NDC1: variants seen among roughly 807,000 people sequenced by gnomAD.
NDC1 encodes NDC1 transmembrane nucleoporin.
A neutral mutation model predicts 89.8 loss-of-function variants in NDC1; 24 were observed. That is an observed-to-expected ratio of 0.27 (90% CI 0.19 to 0.38). The LOEUF is 0.38. Among genes scored for constraint, NDC1 ranks in the 10% least tolerant of loss-of-function variants. The pLI is 1.00. For missense variants in NDC1, 728 were observed against 797.6 expected (o/e 0.91, Z 1.05); for synonymous variants, 296 against 284.8 (o/e 1.04, Z -0.39).
intron 17 of NDC1, among the ~76,000 whole-genome samples, chr1:53,769,791 G>T (rs550126065): frequency 6.6e-6 from 1 of 152,174 alleles, no homozygotes; most frequent in Non-Finnish European, 1.5e-5. Flanking sequence ...GTGTGAGAAT[G>T]TTCCCTTTCA....
intron 2 of NDC1, among the ~76,000 whole-genome samples, chr1:53,833,829 AT>A (rs71579984): frequency 0.03 from 4,454 of 146,144 alleles, 90 homozygotes; most frequent in Middle Eastern, 0.046. Flanking sequence ...ATTGACCTAA[AT>A]TTTTTTTTTT....
At chr1:53,829,336 T>C (rs1648977430) in intron 3 of NDC1, among the ~76,000 whole-genome samples, 1 of 152,206 alleles carries the variant, frequency 6.6e-6, no homozygotes, top group African/African-American at 2.4e-5. Context: ...AACTAACTTA[T>C]AACACTCTAA....
At chr1:53,783,285 G>C (rs1273791474) in intron 16 of NDC1, among the ~76,000 whole-genome samples, 1 of 151,554 alleles carries the variant, frequency 6.6e-6, no homozygotes, top group East Asian at 1.9e-4. Flanking sequence ...TCAGGATGTA[G>C]AGTGGAAAAA....
At chr1:53,778,321 C>T (rs968035878) in intron 16 of NDC1, among the ~76,000 whole-genome samples, 1 of 151,026 alleles carries the variant, frequency 6.6e-6, no homozygotes, top group Non-Finnish European at 1.5e-5. Context: ...AATTAATAAA[C>T]ATCTGAATTC....
At chr1:53,824,813 G>C (rs1038259824) in intron 5 of NDC1, among the ~76,000 whole-genome samples, 5 of 152,172 alleles carry the variant, frequency 3.3e-5, no homozygotes, top group African/African-American at 1.2e-4. Context: ...AAAATGATAG[G>C]AGACAGTAAG....
chr1:53,804,090 T>A, intron 9 of NDC1, 81 bp from the exon 10 acceptor site: 1 of 951,698 alleles, frequency 1.1e-6, no homozygotes, highest in Non-Finnish European at 1.6e-6. Context: ...CATCATTATA[T>A]ATCCAAGAGG....
intron 14 of NDC1, among the ~76,000 whole-genome samples, chr1:53,789,957 G>T (rs1433727092): frequency 6.6e-6 from 1 of 150,918 alleles, no homozygotes; most frequent in Non-Finnish European, 1.5e-5. Context: ...ACAAAAATTA[G>T]CTAGGTGTGG....
In NDC1 at chr1:53,793,290, A is replaced by C; in HGVS notation, c.1585-11T>G. On this transcript the variant is annotated splice_polypyrimidine_tract_variant and intron_variant, in intron 13 of 17. Coordinates refer to ENST00000371429, the MANE Select transcript of NDC1 (RefSeq NM_018087.5). Reference sequence around the variant, plus strand: ...CAAGAAATTCTTAATCTGAGTTGGAAAAAAGGAAGAATTAACACATTTACC... The same window carrying C: ...CAAGAAATTCTTAATCTGAGTTGGACAAAAGGAAGAATTAACACATTTACC... 3.1e-6 allele frequency: 5 copies of C among 1,597,038 alleles called. No homozygotes were observed. Among genetic ancestry groups the C allele is most frequent in the Non-Finnish European group, 4.3e-6 (5 of 1,164,390 alleles).
chr1:53,810,664 G>A (rs544761269), intron 6 of NDC1, among the ~76,000 whole-genome samples: 26 of 152,266 alleles, frequency 1.7e-4, no homozygotes, highest in African/African-American at 6.0e-4. Flanking sequence ...CAGTACTCTG[G>A]GAGGCCAAGG....
chr1:53,796,915 C>T lies in NDC1; in HGVS notation c.1452G>A (p.Leu484=), dbSNP rs375896772. 56 of 1,614,072 alleles carry T rather than the reference C, an allele frequency of 3.5e-5. No individual in the cohort carries two copies. In the African/African-American group the frequency reaches 6.7e-4, roughly 19 times the overall value. ...AATTCTCACCAGAAGCTGATGTCCACAATCTTGGCCCCCTTCTTATTAGCT... is the reference window on the plus strand; with the variant it reads ...AATTCTCACCAGAAGCTGATGTCCATAATCTTGGCCCCCTTCTTATTAGCT... The part of the protein sequence containing the change: ...SPQLIRRGPR[L]WTSASDQQMT... Residue 484 remains leucine (L), a synonymous_variant, in exon 12 of 18, where the codon TTG becomes TTA. Coordinates refer to ENST00000371429, the MANE Select transcript of NDC1 (RefSeq NM_018087.5).
rs1373277404 is a variant in NDC1 at position 53,825,852 on chromosome 1, A to G, written c.540T>C (p.Tyr180=). 1 of 1,610,464 alleles carries G rather than the reference A, an allele frequency of 6.2e-7. No individual in the cohort carries two copies. Among genetic ancestry groups the G allele is most frequent in the Non-Finnish European group, 8.5e-7 (1 of 1,178,836 alleles). ...LLTGAFMGYS[Y]SLLYFVNNMN... is the part of the protein sequence containing the mutation. ...TGTTGTTAACAAAATACAGGAGGCTATAGCTATAGCCCATAAATGCTCCAG... is the reference window on the plus strand; with the variant it reads ...TGTTGTTAACAAAATACAGGAGGCTGTAGCTATAGCCCATAAATGCTCCAG... Residue 180 remains tyrosine (Y), a synonymous_variant, in exon 5 of 18, where the codon TAT becomes TAC. Transcript: ENST00000371429.
chr1:53,800,610 C>A, intron 11 of NDC1, 83 bp downstream of exon 11: 2 of 1,494,376 alleles, frequency 1.3e-6, no homozygotes, highest in South Asian at 1.2e-5. Flanking sequence ...CAGGCGTGAG[C>A]CACAGCGCCC....
chr1:53,806,867 A>G (rs1303175393), intron 8 of NDC1, among the ~76,000 whole-genome samples: 2 of 152,202 alleles, frequency 1.3e-5, no homozygotes, highest in African/African-American at 4.8e-5. Context: ...AATCACTTAA[A>G]AAGATTTCTG....
At chr1:53,777,584 C>G (rs1441676603) in intron 16 of NDC1, among the ~76,000 whole-genome samples, 2 of 152,152 alleles carry the variant, frequency 1.3e-5, no homozygotes, top group Non-Finnish European at 2.9e-5. Context: ...AAAAGATAAG[C>G]AGGCCTCAGG....
At chr1:53,786,044 C>T (rs962229643) in intron 16 of NDC1, among the ~76,000 whole-genome samples, 3 of 152,140 alleles carry the variant, frequency 2.0e-5, no homozygotes, top group Non-Finnish European at 4.4e-5. Context: ...CCTGCCTCAG[C>T]GTCCCGAGTA....
intron 17 of NDC1, among the ~76,000 whole-genome samples, chr1:53,770,149 A>G (rs1200881228): frequency 6.6e-6 from 1 of 152,194 alleles, no homozygotes; most frequent in Non-Finnish European, 1.5e-5. Flanking sequence ...TTCAGAGAAA[A>G]GAAACTAAGG....
chr1:53,810,934 C>T (rs887121886), intron 6 of NDC1, among the ~76,000 whole-genome samples: 1 of 152,208 alleles, frequency 6.6e-6, no homozygotes, highest in East Asian at 1.9e-4. Flanking sequence ...CCGGGAGACA[C>T]CCCAAATACT....
At position 53,804,014 on chromosome 1, in the gene NDC1, CA is replaced by C. The variant is rs1348656387; in HGVS notation, c.985-6del. On this transcript the variant is annotated splice_polypyrimidine_tract_variant and splice_region_variant and intron_variant, in intron 9 of 17. Coordinates refer to ENST00000371429, the MANE Select transcript of NDC1 (RefSeq NM_018087.5). The stretch of plus-strand genomic sequence containing the variant: ...CAGGTCCTGCAAGGCTAAATACTAA[CA>C]GGGGGAAAAAACACATATTATTTAA... The C allele has an allele frequency of 1.3e-5, 21 of 1,607,664 alleles. No homozygotes were observed. The highest frequency in any genetic ancestry group is 1.8e-5 in the Non-Finnish European group (21 of 1,175,770).
At chr1:53,804,040 A>AT in intron 9 of NDC1, 31 bp from the exon 10 acceptor site, 18 of 1,523,854 alleles carry the variant, frequency 1.2e-5, no homozygotes, top group African/African-American at 2.7e-5. Flanking sequence ...ATATTATTTA[A>AT]TTTTTTTTAA....
Sources: gnomAD v4.1 joint callset for allele counts (sites outside exome capture counted in the v4.1 genomes callset) on GRCh38, gnomAD v4.1.1 for gene constraint, MANE v1.5 for transcripts, NCBI Gene and HGNC (gene_info 2026-07-23, HGNC 2026-07-21) for gene names.